The following VPS8 variants were observed in gnomAD, a reference collection of about 807,000 sequenced individuals.
VPS8 encodes VPS8 subunit of CORVET complex.
Under a neutral mutation model 216.4 loss-of-function variants are expected in VPS8, and 129 were observed. The observed-to-expected ratio is 0.60, with a 90% CI of 0.52 to 0.69. The LOEUF (loss-of-function observed/expected upper bound fraction) is 0.69, where lower values mean the gene tolerates loss of function less well. Among genes scored for constraint, VPS8 ranks in the 30% least tolerant of loss-of-function variants. The pLI is 0.00. For synonymous variants in VPS8, 571 were observed against 565.4 expected (o/e 1.01, Z -0.14); for missense variants, 1,531 against 1,683.5 (o/e 0.91, Z 1.59).
At chr3:185,019,879 G>A (rs574402862) in intron 45 of VPS8, among the ~76,000 whole-genome samples, 279 of 152,290 alleles carry the variant, frequency 1.8e-3, no homozygotes, top group Admixed American at 2.7e-3. Context: ...TATAAATAGC[G>A]TCACTTTGGT....
chr3:184,984,064 G>T (rs1250248014), intron 42 of VPS8, among the ~76,000 whole-genome samples: 2 of 149,944 alleles, frequency 1.3e-5, no homozygotes, highest in Non-Finnish European at 3.0e-5. Flanking sequence ...GGCGCCTGTA[G>T]TCCCAGTTAC....
Position 184,826,791 on chromosome 3 carries a change from C to G in VPS8, c.222+560C>G, listed in dbSNP as rs560730387. ...TATAATAAGCTTCATCACTCTTCTA[C>G]ATGAAGAAAACTAATCTTTTATAGT... On this transcript the variant is annotated intron_variant, in intron 3 of 47. Transcript: ENST00000625842. Among the ~76,000 whole-genome samples, 5 of 152,344 alleles carry G rather than the reference C, an allele frequency of 3.3e-5. No homozygotes were observed. The South Asian group carries it at 1.0e-3, about 32-fold the overall frequency.
chr3:184,893,620 T>C (rs1374560022), intron 22 of VPS8, among the ~76,000 whole-genome samples: 1 of 152,232 alleles, frequency 6.6e-6, no homozygotes, highest in East Asian at 1.9e-4. Flanking sequence ...TGGGTGGCAG[T>C]GTCAATTGAT....
chr3:184,971,134 G>A (rs928406963), intron 39 of VPS8, among the ~76,000 whole-genome samples: 1 of 152,292 alleles, frequency 6.6e-6, no homozygotes, highest in Admixed American at 6.5e-5. Context: ...AATGTCTTAG[G>A]TTCATTAGAA....
At chr3:184,926,355 C>T (rs1306885343) in intron 30 of VPS8, among the ~76,000 whole-genome samples, 4 of 147,628 alleles carry the variant, frequency 2.7e-5, no homozygotes, top group African/African-American at 7.9e-5. Context: ...CCAGCCTGGG[C>T]GACAGAGTGA....
intron 37 of VPS8, among the ~76,000 whole-genome samples, chr3:184,958,894 G>A (rs1746046046): frequency 6.6e-6 from 1 of 151,672 alleles, no homozygotes; most frequent in Non-Finnish European, 1.5e-5. Flanking sequence ...AAGTTCAATT[G>A]ACTTGTAAAA....
At chr3:185,019,187 T>C (rs1182630124) in intron 45 of VPS8, among the ~76,000 whole-genome samples, 1 of 152,144 alleles carries the variant, frequency 6.6e-6, no homozygotes, top group African/African-American at 2.4e-5. Context: ...ACCATGGGGA[T>C]TGCTTAAGAG....
Position 185,029,386 on chromosome 3 carries a change from A to G in VPS8, c.4056+4997A>G, listed in dbSNP as rs141639832. 1.4e-4 allele frequency among the ~76,000 whole-genome samples: 21 copies of G among 152,258 alleles called. No individual in the cohort carries two copies. In the East Asian group the frequency reaches 3.1e-3, roughly 22 times the overall value. The stretch of plus-strand genomic sequence containing the variant: ...GAAGTGTTTGGTGACTCTGCTGTCA[A>G]TATTGGCCCTGCCAAGAGCTGGATT... On this transcript the variant is annotated intron_variant, in intron 46 of 47. Coordinates refer to ENST00000625842, the MANE Select transcript of VPS8 (RefSeq NM_001009921.3).
chr3:185,014,927 C>T (rs1212183802), intron 45 of VPS8, among the ~76,000 whole-genome samples: 1 of 152,208 alleles, frequency 6.6e-6, no homozygotes, highest in African/African-American at 2.4e-5. Context: ...AGGCAGAAGA[C>T]TCTCCTGATT....
chr3:185,002,793 A>C (rs1753593508), intron 45 of VPS8, among the ~76,000 whole-genome samples: 1 of 152,088 alleles, frequency 6.6e-6, no homozygotes, highest in Non-Finnish European at 1.5e-5. Flanking sequence ...GTTTCTTTTT[A>C]TGGCTGAGTA....
chr3:184,926,857 A>G (rs1553873674), intron 31 of VPS8, among the ~76,000 whole-genome samples: 1 of 152,200 alleles, frequency 6.6e-6, no homozygotes, highest in South Asian at 2.1e-4. Context: ...CTAAATTCCT[A>G]GGTAGACTGG....
intron 5 of VPS8, among the ~76,000 whole-genome samples, chr3:184,837,516 A>T (rs1721330088): frequency 6.6e-6 from 1 of 152,188 alleles, no homozygotes; most frequent in African/African-American, 2.4e-5. Context: ...ATTGTCGAGC[A>T]TTATGTTAGG....
intron 38 of VPS8, 54 bp from the exon 39 acceptor site, chr3:184,966,617 G>A: frequency 8.0e-6 from 10 of 1,249,040 alleles, no homozygotes; most frequent in Non-Finnish European, 1.0e-5. Context: ...AGTATTGGGT[G>A]GGTAGAACTA....
chr3:184,812,894 C>T (rs889947817), intron 1 of VPS8: 7 of 152,218 alleles, frequency 4.6e-5, no homozygotes, highest in African/African-American at 1.7e-4. Context: ...GGGTGTCCAC[C>T]TCTTAGGATC....
At chr3:184,822,053 G>A (rs1188299922) in intron 1 of VPS8, among the ~76,000 whole-genome samples, 1 of 150,006 alleles carries the variant, frequency 6.7e-6, no homozygotes, top group Admixed American at 6.6e-5. Context: ...CCATTTTAAT[G>A]ATATAGAAAT....
chr3:184,991,191 C>T (rs1052964622), intron 42 of VPS8, among the ~76,000 whole-genome samples: 3 of 151,974 alleles, frequency 2.0e-5, no homozygotes, highest in African/African-American at 7.2e-5. Context: ...TACCAGAAAG[C>T]AATAGGAAAA....
chr3:185,005,133 C>T (rs747882460), intron 45 of VPS8, among the ~76,000 whole-genome samples: 33 of 152,124 alleles, frequency 2.2e-4, no homozygotes, highest in Non-Finnish European at 4.1e-4. Flanking sequence ...AATAGGGTGT[C>T]CTTTCCCCAC....
In VPS8 at chr3:185,023,465, C is replaced by T. The variant is rs971610588; in HGVS notation, c.4003-871C>T. Among the ~76,000 whole-genome samples, 7 of 152,148 alleles carry T rather than the reference C, an allele frequency of 4.6e-5. No homozygotes were observed. The South Asian group carries it at 6.2e-4, about 14-fold the overall frequency. On this transcript the variant is annotated intron_variant, in intron 45 of 47. Transcript: ENST00000625842. ...ATCCCAACACTCTGGGAGGCCAAGA[C>T]GGGCAGTCATCTGAGGTCAGGTGAT...
Position 184,821,885 on chromosome 3 carries a change from A to G in VPS8, c.-88-2660A>G, listed in dbSNP as rs183179113. ...GAAATATCTCTTCCTCATCAGTTCC[A>G]TTTTAATGAATCCTGGTGAAAGACT... On this transcript the variant is annotated intron_variant, in intron 1 of 47. Transcript: ENST00000625842. Among the ~76,000 whole-genome samples, 114 of 152,298 alleles carry G rather than the reference A, an allele frequency of 7.5e-4. No individual in the cohort carries two copies. The East Asian group carries it at 0.013, about 17-fold the overall frequency.
Sources: gnomAD v4.1 joint callset for allele counts (sites outside exome capture counted in the v4.1 genomes callset) on GRCh38, gnomAD v4.1.1 for gene constraint, MANE v1.5 for transcripts, NCBI Gene and HGNC (gene_info 2026-07-23, HGNC 2026-07-21) for gene names.